MARCHF1: variants seen among roughly 807,000 people sequenced by gnomAD.
The protein encoded by MARCHF1 is E3 ubiquitin-protein ligase MARCHF1.
In MARCHF1, 40 loss-of-function variants were observed where a neutral mutation model predicts 54.2. That is an observed-to-expected ratio of 0.74 (90% confidence interval 0.57 to 0.96). The LOEUF (loss-of-function observed/expected upper bound fraction) is 0.96, where lower values mean the gene tolerates loss of function less well. MARCHF1 is among the 40% of genes least tolerant of loss of function. The pLI, the probability that MARCHF1 is intolerant of heterozygous loss-of-function variation, is 0.00. For missense variants in MARCHF1, 586 were observed against 656.5 expected, an observed-to-expected ratio of 0.89 and a Z score of 1.17; for synonymous variants, 236 against 236.3, an observed-to-expected ratio of 1.00 and a Z score of 0.01.
At chr4:164,268,179 A>G in intron 1 of MARCHF1, among the ~76,000 whole-genome samples, 1 of 152,242 alleles carries the variant, frequency 6.6e-6, no homozygotes, top group Middle Eastern at 3.4e-3. Flanking sequence ...AGATTATGAA[A>G]CACATATTTT....
At chr4:164,305,316 T>G (rs185943430) in intron 1 of MARCHF1, among the ~76,000 whole-genome samples, 3 of 152,194 alleles carry the variant, frequency 2.0e-5, no homozygotes, top group African/African-American at 7.2e-5. Flanking sequence ...TGAGAAAGAT[T>G]AACTGTTGAG....
intron 4 of MARCHF1, among the ~76,000 whole-genome samples, chr4:163,852,503 G>GC (rs1218738903): frequency 6.6e-6 from 1 of 152,118 alleles, no homozygotes; most frequent in Non-Finnish European, 1.5e-5. Context: ...GTTAACTCAT[G>GC]CCCCACAGTT....
At chr4:164,302,243 AC>A (rs1734579300) in intron 1 of MARCHF1, among the ~76,000 whole-genome samples, 1 of 152,198 alleles carries the variant, frequency 6.6e-6, no homozygotes, top group South Asian at 2.1e-4. Context: ...CACTCTGGGA[AC>A]CCCAAAACAT....
chr4:164,210,837 C>T (rs961110153), intron 1 of MARCHF1, among the ~76,000 whole-genome samples: 1 of 151,928 alleles, frequency 6.6e-6, no homozygotes, highest in Non-Finnish European at 1.5e-5. Context: ...GAAAATGTGG[C>T]AAATATACTG....
At chr4:163,538,187 C>T (rs1429034341) in intron 9 of MARCHF1, among the ~76,000 whole-genome samples, 1 of 152,156 alleles carries the variant, frequency 6.6e-6, no homozygotes, top group African/African-American at 2.4e-5. Context: ...CTTCACAGCT[C>T]ATTCTAGACT....
chr4:163,744,062 T>G (rs1305474243), intron 4 of MARCHF1, among the ~76,000 whole-genome samples: 2 of 152,238 alleles, frequency 1.3e-5, no homozygotes, highest in Non-Finnish European at 2.9e-5. Flanking sequence ...GGAAATGGAC[T>G]GTTATTTTCA....
intron 2 of MARCHF1, among the ~76,000 whole-genome samples, chr4:164,026,299 C>A (rs2110980038): frequency 6.6e-6 from 1 of 152,210 alleles, no homozygotes; most frequent in East Asian, 1.9e-4. Context: ...AACTTCAGAT[C>A]AATCTCCCTG....
intron 3 of MARCHF1, among the ~76,000 whole-genome samples, chr4:163,876,172 A>G (rs939221877): frequency 3.3e-5 from 5 of 152,172 alleles, no homozygotes; most frequent in Admixed American, 6.5e-5. Flanking sequence ...GTGTCACCAC[A>G]TTCAGACTTT....
chr4:163,902,954 C>T (rs988040098), intron 3 of MARCHF1, among the ~76,000 whole-genome samples: 9 of 152,052 alleles, frequency 5.9e-5, no homozygotes, highest in African/African-American at 7.2e-5. Context: ...GGCACATCAT[C>T]GTCTCCTACC....
At chr4:164,252,360 A>G (rs1733153451) in intron 1 of MARCHF1, among the ~76,000 whole-genome samples, 2 of 152,080 alleles carry the variant, frequency 1.3e-5, no homozygotes, top group South Asian at 2.1e-4. Flanking sequence ...AAAACAAAGC[A>G]AAAAGCAGAA....
chr4:163,789,286 C>T (rs1747705774), intron 4 of MARCHF1, among the ~76,000 whole-genome samples: 1 of 151,732 alleles, frequency 6.6e-6, no homozygotes, highest in Non-Finnish European at 1.5e-5. Flanking sequence ...TTTAAAATAA[C>T]TGGAAAGTTT....
Position 163,968,226 on chromosome 4 carries a change from C to A in MARCHF1, c.-39+20275G>T, listed in dbSNP as rs1199486028. 4.7e-5 allele frequency among the ~76,000 whole-genome samples: 5 copies of A among 106,454 alleles called. No homozygotes were observed. The East Asian group carries it at 1.1e-3, about 24-fold the overall frequency. 69.8% of individuals were successfully genotyped at this position (106,454 alleles called of 152,430 possible). ...ATAGCCTCTTGTTTGCTCATTGGAC[C>A]CTATTTGCTATACTAAAGTACCCAG... On this transcript the variant is annotated intron_variant, in intron 3 of 9. Transcript: ENST00000514618.
intron 2 of MARCHF1, among the ~76,000 whole-genome samples, chr4:164,068,301 G>T (rs1467856697): frequency 6.6e-6 from 1 of 152,088 alleles, no homozygotes; most frequent in Non-Finnish European, 1.5e-5. Flanking sequence ...GGCCACACTT[G>T]AGGAGCCCTT....
rs1002587519 is a variant in MARCHF1, at chr4:163,841,155, T to C, written c.111+12866A>G. Among the ~76,000 whole-genome samples the C allele has an allele frequency of 2.6e-5, 4 of 152,082 alleles. No individual in the cohort carries two copies. In the East Asian group the frequency reaches 5.8e-4, roughly 22 times the overall value. On this transcript the variant is annotated intron_variant, in intron 4 of 9. Transcript: ENST00000514618. Reference sequence around the variant, plus strand: ...GATGAAGAGGTGGAGCAGAGGATTTTTGGGGCAGTGAAACTGCTCTTTATG... The same window carrying C: ...GATGAAGAGGTGGAGCAGAGGATTTCTGGGGCAGTGAAACTGCTCTTTATG...
intron 1 of MARCHF1, among the ~76,000 whole-genome samples, chr4:164,321,250 G>A (rs1579718888): frequency 6.6e-6 from 1 of 152,098 alleles, no homozygotes; most frequent in Admixed American, 6.6e-5. Flanking sequence ...GCAATTACAA[G>A]TCCAACACAA....
intron 1 of MARCHF1, among the ~76,000 whole-genome samples, chr4:164,273,450 G>A (rs1733793375): frequency 6.6e-6 from 1 of 152,062 alleles, no homozygotes; most frequent in African/African-American, 2.4e-5. Context: ...AGATTTAGGT[G>A]GGGATACAAA....
chr4:164,013,946 G>GGATGCAGGTGGATCAT (rs1202933915), intron 2 of MARCHF1, among the ~76,000 whole-genome samples: 3 of 152,048 alleles, frequency 2.0e-5, no homozygotes, highest in African/African-American at 7.2e-5. Context: ...AGGTGGATCA[G>GGATGCAGGTGGATCAT]GATGCAGGTG....
chr4:164,192,734 A>AAACATTTAT lies in MARCHF1; in HGVS notation c.-322-81081_-322-81073dup, dbSNP rs1293724328. Among the ~76,000 whole-genome samples the AAACATTTAT allele has an allele frequency of 2.6e-5, 4 of 152,230 alleles. No homozygotes were observed. In the East Asian group the frequency reaches 7.7e-4, roughly 29 times the overall value. Reference sequence around the variant, plus strand: ...ATAAATCATAAAAGTTAAAAGTATGAAACATTTATAAAATTTTTAGAGGTG... The same window carrying AAACATTTAT: ...ATAAATCATAAAAGTTAAAAGTATGAAACATTTATAACATTTATAAAATTTTTAGAGGTG... On this transcript the variant is annotated intron_variant, in intron 1 of 9. Coordinates refer to ENST00000514618, the MANE Select transcript of MARCHF1 (RefSeq NM_001394959.1).
intron 2 of MARCHF1, among the ~76,000 whole-genome samples, chr4:164,006,943 C>T (rs1753300597): frequency 1.8e-5 from 2 of 113,044 alleles, no homozygotes; most frequent in South Asian, 6.0e-4. Context: ...TAATTCACCA[C>T]CATCATTCCC....
Sources: allele counts gnomAD v4.1 joint callset (sites outside exome capture counted in the v4.1 genomes callset), GRCh38; gene constraint gnomAD v4.1.1; transcripts MANE v1.5; gene names NCBI Gene and HGNC (gene_info 2026-07-23, HGNC 2026-07-21).